The following POFUT4 variants were observed in gnomAD, a reference collection of about 807,000 sequenced individuals.
POFUT4 encodes GDP-fucose protein O-fucosyltransferase 4.
chr10:73,774,690 C>T, the POFUT4 span: 926 of 146,074 alleles, frequency 6.3e-3, 5 homozygotes, highest in Non-Finnish European at 8.4e-3. Context: ...GGAGTAAGAC[C>T]CTGTCACACA....
At chr10:73,772,381 C>T in the POFUT4 span, 2 of 1,560,036 alleles carry the variant, frequency 1.3e-6, no homozygotes, top group Non-Finnish European at 1.7e-6. Flanking sequence ...TAGGGGTGCT[C>T]AGTGTCTGTG....
At chr10:73,772,769 C>T in the POFUT4 span, 2 of 1,608,722 alleles carry the variant, frequency 1.2e-6, no homozygotes, top group East Asian at 2.2e-5. Context: ...GGCGCTCCTC[C>T]ACGAGGAGTC....
chr10:73,778,492 T>C, the POFUT4 span, among the ~76,000 whole-genome samples: 2 of 151,302 alleles, frequency 1.3e-5, no homozygotes, highest in Non-Finnish European at 2.9e-5. Flanking sequence ...AGGGAGACCA[T>C]TAGCTCTTTC....
At chr10:73,775,227 A>T in the POFUT4 span, 1 of 604,500 alleles carries the variant, frequency 1.7e-6, no homozygotes. Flanking sequence ...TGCTTTCCTT[A>T]TGGAGACTGC....
At chr10:73,779,074 TA>T in the POFUT4 span, 413 of 69,122 alleles carry the variant, frequency 6.0e-3, no homozygotes, top group Middle Eastern at 0.016. Context: ...CTCCAGAAAC[TA>T]AAAAAAAAAA....
chr10:73,772,855 C>G, the POFUT4 span: 1 of 1,612,358 alleles, frequency 6.2e-7, no homozygotes, highest in Non-Finnish European at 8.5e-7. Context: ...TCAGTCGCCA[C>G]TCGGATTACC....
At chr10:73,774,121 A>C in the POFUT4 span, 4 of 308,214 alleles carry the variant, frequency 1.3e-5, no homozygotes, top group Non-Finnish European at 2.4e-5. Context: ...AAATGGGGCA[A>C]ATAAATAGGG....
At chr10:73,777,664 C>G in the POFUT4 span, among the ~76,000 whole-genome samples, 2 of 151,948 alleles carry the variant, frequency 1.3e-5, no homozygotes, top group African/African-American at 2.4e-5. Flanking sequence ...AAGTGATTCT[C>G]CTGCCTCAGC....
the POFUT4 span, chr10:73,773,963 G>A: frequency 1.2e-6 from 1 of 866,452 alleles, no homozygotes; most frequent in Non-Finnish European, 1.7e-6. Context: ...AGTCTAGTTG[G>A]GGGGATAAGA....
the POFUT4 span, chr10:73,775,358 G>A: frequency 6.9e-7 from 1 of 1,442,210 alleles, no homozygotes; most frequent in Non-Finnish European, 9.6e-7. Context: ...TTGTGTTTGT[G>A]ACTTACTGCC....
At chr10:73,772,469 G>A in the POFUT4 span, 3 of 1,553,538 alleles carry the variant, frequency 1.9e-6, no homozygotes, top group Non-Finnish European at 1.7e-6. Flanking sequence ...GGATGGCGCG[G>A]TTTTCCGGCC....
the POFUT4 span, chr10:73,773,400 G>T: frequency 1.1e-5 from 17 of 1,614,228 alleles, no homozygotes; most frequent in Non-Finnish European, 1.4e-5. Flanking sequence ...CGTGTACCGC[G>T]GTTCTCCCTC....
At chr10:73,773,886 C>T in the POFUT4 span, 17 of 1,475,198 alleles carry the variant, frequency 1.2e-5, no homozygotes, top group Non-Finnish European at 1.5e-5. Flanking sequence ...AATTAAGTAG[C>T]ACTAGGTGCT....
chr10:73,772,731 C>A, the POFUT4 span: 23 of 1,594,790 alleles, frequency 1.4e-5, no homozygotes, highest in South Asian at 3.3e-5. Context: ...TCGGCCGCCC[C>A]GCTGCCGCGC....
At chr10:73,778,412 A>G in the POFUT4 span, among the ~76,000 whole-genome samples, 1 of 149,158 alleles carries the variant, frequency 6.7e-6, no homozygotes, top group Non-Finnish European at 1.5e-5. Context: ...AAAAAAAAAA[A>G]GCTTAGTCAG....
the POFUT4 span, chr10:73,772,751 C>G: frequency 2.5e-6 from 4 of 1,603,830 alleles, no homozygotes; most frequent in Non-Finnish European, 3.4e-6. Context: ...CCTGGCGCAC[C>G]AGAGCTGGGC....
the POFUT4 span, among the ~76,000 whole-genome samples, chr10:73,778,379 G>A: frequency 7.7e-5 from 9 of 116,820 alleles, no homozygotes; most frequent in Admixed American, 1.1e-4. Context: ...GGTGACGAGC[G>A]AAACTCCATC....
the POFUT4 span, chr10:73,775,828 T>A: frequency 2.3e-6 from 2 of 863,250 alleles, no homozygotes; most frequent in Non-Finnish European, 3.6e-6. Flanking sequence ...CTATTAAGAT[T>A]TTATCTTAAT....
chr10:73,778,922 T>A, the POFUT4 span: 1 of 152,034 alleles, frequency 6.6e-6, no homozygotes, highest in Non-Finnish European at 1.5e-5. Context: ...GAGGATCGCT[T>A]GAGCCCAGGG....
Sources: allele counts gnomAD v4.1 joint callset (sites outside exome capture counted in the v4.1 genomes callset), GRCh38; gene constraint gnomAD v4.1.1; transcripts MANE v1.5; gene names NCBI Gene and HGNC (gene_info 2026-07-23, HGNC 2026-07-21).